Variants in SEMA3A observed in about 807,000 individuals in gnomAD.
SEMA3A encodes semaphorin 3A.
A neutral mutation model predicts 97.9 loss-of-function variants in SEMA3A; 29 were observed. That is an observed-to-expected ratio of 0.30 (90% CI 0.22 to 0.40). The LOEUF (loss-of-function observed/expected upper bound fraction) is 0.40, where lower values mean the gene tolerates loss of function less well. SEMA3A is among the 10% of genes least tolerant of loss of function. The pLI, the probability that SEMA3A is intolerant of heterozygous loss-of-function variation, is 1.00. For missense variants in SEMA3A, 763 were observed against 951.3 expected (o/e 0.80, Z 2.60); for synonymous variants, 321 against 323.7 (o/e 0.99, Z 0.09).
chr7:84,439,141 G>T lies in SEMA3A; in HGVS notation c.-246+53319C>A, dbSNP rs943158240. ...ACACATTAACTACCTGTACTTCTTG[G>T]GGTGTTGTGATTTAAGGACTTACAA... On this transcript the variant is annotated intron_variant, in intron 1 of 3. Transcript: ENST00000424555. Among the ~76,000 whole-genome samples, 8 of 151,788 alleles carry T rather than the reference G, an allele frequency of 5.3e-5. No homozygotes were observed. The East Asian group carries it at 1.6e-3, about 29-fold the overall frequency.
At chr7:84,008,501 A>AAG (rs1391258488) in intron 9 of SEMA3A, among the ~76,000 whole-genome samples, 9 of 149,296 alleles carry the variant, frequency 6.0e-5, no homozygotes, top group Non-Finnish European at 1.3e-4. Flanking sequence ...AAAAAAAAAA[A>AAG]AAAAAAAGAA....
At chr7:84,207,169 C>T (rs1051385382) in intron 3 of SEMA3A, among the ~76,000 whole-genome samples, 2 of 152,186 alleles carry the variant, frequency 1.3e-5, no homozygotes, top group African/African-American at 2.4e-5. Flanking sequence ...AGTGGTGAGG[C>T]TCTTATGGCC....
chr7:84,108,587 T>G (rs915614542), intron 4 of SEMA3A, among the ~76,000 whole-genome samples: 2 of 152,224 alleles, frequency 1.3e-5, no homozygotes, highest in South Asian at 2.1e-4. Flanking sequence ...CAAAGTCCAG[T>G]CCTTTCTGCT....
At chr7:84,028,734 A>G (rs951818676) in intron 6 of SEMA3A, among the ~76,000 whole-genome samples, 17 of 152,084 alleles carry the variant, frequency 1.1e-4, no homozygotes, top group African/African-American at 4.1e-4. Context: ...CCTCCCGAGT[A>G]GCTGGGACTA....
intron 3 of SEMA3A, among the ~76,000 whole-genome samples, chr7:84,248,448 T>C (rs1013253948): frequency 6.6e-6 from 1 of 152,184 alleles, no homozygotes; most frequent in African/African-American, 2.4e-5. Context: ...AACCTTTTGC[T>C]TGGAGGCTGT....
intron 4 of SEMA3A, among the ~76,000 whole-genome samples, chr7:84,068,699 C>G (rs1562755209): frequency 6.6e-6 from 1 of 152,054 alleles, no homozygotes; most frequent in Non-Finnish European, 1.5e-5. Flanking sequence ...TACTTTATGT[C>G]TGGGATCATA....
chr7:84,472,014 TAC>T (rs1168569134), intron 1 of SEMA3A, among the ~76,000 whole-genome samples: 2 of 151,944 alleles, frequency 1.3e-5, no homozygotes, highest in African/African-American at 2.4e-5. Context: ...CCAAATTTAA[TAC>T]AGTTTTAAGA....
chr7:84,244,351 C>A (rs1799432992), intron 3 of SEMA3A, among the ~76,000 whole-genome samples: 1 of 152,062 alleles, frequency 6.6e-6, no homozygotes, highest in Non-Finnish European at 1.5e-5. Flanking sequence ...TAATGCCCGT[C>A]TTTGTCTTTT....
intron 12 of SEMA3A, among the ~76,000 whole-genome samples, chr7:83,995,283 G>A (rs541327453): frequency 2.1e-4 from 32 of 152,180 alleles, no homozygotes; most frequent in South Asian, 1.0e-3. Context: ...CTTCTGCGTC[G>A]CTCACTCTGG....
chr7:84,208,173 C>A (rs547339013), intron 3 of SEMA3A, among the ~76,000 whole-genome samples: 23 of 152,180 alleles, frequency 1.5e-4, no homozygotes, highest in Non-Finnish European at 3.2e-4. Flanking sequence ...GAAAGACAAG[C>A]CTGGCACTGT....
At chr7:84,148,423 G>A (rs1441010503) in intron 1 of SEMA3A, among the ~76,000 whole-genome samples, 2 of 152,060 alleles carry the variant, frequency 1.3e-5, no homozygotes, top group Non-Finnish European at 2.9e-5. Flanking sequence ...GAAAACTAAC[G>A]AATTCAAAGA....
At chr7:84,449,231 A>G (rs1466494995) in intron 1 of SEMA3A, among the ~76,000 whole-genome samples, 1 of 152,198 alleles carries the variant, frequency 6.6e-6, no homozygotes, top group East Asian at 1.9e-4. Flanking sequence ...TTTATTTGTG[A>G]ATTATAGCTA....
chr7:84,086,604 A>ATAATATATTATTATATT (rs1382445049), intron 4 of SEMA3A, among the ~76,000 whole-genome samples: 21 of 141,494 alleles, frequency 1.5e-4, no homozygotes, highest in African/African-American at 2.9e-4. Context: ...TTATATTTAT[A>ATAATATATTATTATATT]ATCCTCACAA....
intron 1 of SEMA3A, among the ~76,000 whole-genome samples, chr7:84,462,957 C>G (rs1805888451): frequency 6.6e-6 from 1 of 152,060 alleles, no homozygotes; most frequent in Admixed American, 6.6e-5. Context: ...CTTATATTTT[C>G]AAATGTCCTC....
In SEMA3A at chr7:84,294,471, T is replaced by C. The variant is rs116385621; in HGVS notation, c.-83+12736A>G. On this transcript the variant is annotated intron_variant, in intron 3 of 3. Coordinates refer to the SEMA3A transcript ENST00000424555. Reference sequence around the variant, plus strand: ...AGTTTTATATTAGGATATTTGTCCATATTTATCACCATAATAAAATAAATT... The same window carrying C: ...AGTTTTATATTAGGATATTTGTCCACATTTATCACCATAATAAAATAAATT... Among the ~76,000 whole-genome samples the C allele has an allele frequency of 7.8e-3, 1,181 of 152,178 alleles. 13 individuals carry two copies. Among genetic ancestry groups the C allele is most frequent in the African/African-American group, 0.027 (1,129 of 41,548 alleles).
At chr7:84,064,086 C>T (rs1793375096) in intron 4 of SEMA3A, among the ~76,000 whole-genome samples, 1 of 152,196 alleles carries the variant, frequency 6.6e-6, no homozygotes, top group Admixed American at 6.5e-5. Context: ...AGAAACCCTA[C>T]AAGCCAGAAG....
intron 4 of SEMA3A, among the ~76,000 whole-genome samples, chr7:84,073,355 G>A (rs1183362406): frequency 6.6e-6 from 1 of 151,956 alleles, no homozygotes; most frequent in Non-Finnish European, 1.5e-5. Context: ...CAGGGAGACA[G>A]ATTATTCTAT....
intron 2 of SEMA3A, among the ~76,000 whole-genome samples, chr7:84,316,342 G>T (rs1033743648): frequency 2.7e-5 from 4 of 150,890 alleles, no homozygotes; most frequent in African/African-American, 9.7e-5. Context: ...CCAATATAAA[G>T]AGTTACTTGG....
At chr7:83,993,664 A>T (rs1790066150) in intron 12 of SEMA3A, among the ~76,000 whole-genome samples, 1 of 122,150 alleles carries the variant, frequency 8.2e-6, no homozygotes, top group East Asian at 2.5e-4. Flanking sequence ...TCTGGCTTGT[A>T]GGGTTTCTGC....
Sources: allele counts gnomAD v4.1 joint callset (sites outside exome capture counted in the v4.1 genomes callset), GRCh38; gene constraint gnomAD v4.1.1; transcripts MANE v1.5; gene names NCBI Gene and HGNC (gene_info 2026-07-23, HGNC 2026-07-21).